SLC14A2: variants seen among roughly 807,000 people sequenced by gnomAD.
SLC14A2 encodes solute carrier family 14 member 2, also known as urea transporter 2.
Under a neutral mutation model 104.6 loss-of-function variants are expected in SLC14A2, and 91 were observed. The ratio of observed to expected loss-of-function variants is 0.87; its 90% CI spans 0.73 to 1.04. The LOEUF (loss-of-function observed/expected upper bound fraction) is 1.04, where lower values mean the gene tolerates loss of function less well. Ranked by LOEUF, SLC14A2 falls within the 50% of genes least tolerant of loss-of-function variation. SLC14A2 has a pLI of 0.00. For synonymous variants in SLC14A2, 476 were observed against 466.4 expected (o/e 1.02, Z -0.27); for missense variants, 1,189 against 1,156.0 (o/e 1.03, Z -0.41).
At chr18:45,236,505 G>GTATGTGTGTATATATGTGTATA (rs1216160088) in intron 1 of SLC14A2, among the ~76,000 whole-genome samples, 1 of 67,274 alleles carries the variant, frequency 1.5e-5, no homozygotes, top group Non-Finnish European at 2.9e-5. Context: ...ATATATACAT[G>GTATGTGTGTATATATGTGTATA]TATGTGTGTA....
At chr18:45,604,318 T>C (rs61242951) in intron 2 of SLC14A2, among the ~76,000 whole-genome samples, 3,950 of 152,316 alleles carry the variant, frequency 0.026, 173 homozygotes, top group African/African-American at 0.088. Context: ...TGGAGGCATG[T>C]TACCATAGCC....
intron 2 of SLC14A2, among the ~76,000 whole-genome samples, chr18:45,502,507 G>A (rs1568245628): frequency 6.6e-6 from 1 of 152,224 alleles, no homozygotes; most frequent in East Asian, 1.9e-4. Context: ...TCTAGGATTT[G>A]TGTTGTGGAC....
chr18:45,643,079 C>G (rs1318824233), intron 8 of SLC14A2, 53 bp from the exon 9 acceptor site: 7 of 1,572,120 alleles, frequency 4.5e-6, no homozygotes, highest in Admixed American at 1.7e-5. Context: ...ATGGCAGTGG[C>G]TTAGGGGGAA....
intron 2 of SLC14A2, among the ~76,000 whole-genome samples, chr18:45,568,019 C>A (rs1017959072): frequency 6.6e-6 from 1 of 152,194 alleles, no homozygotes; most frequent in African/African-American, 2.4e-5. Context: ...TGCAATCAAA[C>A]CAACATGGGT....
At chr18:45,451,443 A>G (rs967559679) in intron 1 of SLC14A2, among the ~76,000 whole-genome samples, 17 of 151,540 alleles carry the variant, frequency 1.1e-4, no homozygotes, top group African/African-American at 3.4e-4. Flanking sequence ...AAAAATAACT[A>G]TCTGATCCTT....
At chr18:45,463,941 C>T (rs904440643) in intron 1 of SLC14A2, among the ~76,000 whole-genome samples, 5 of 152,270 alleles carry the variant, frequency 3.3e-5, no homozygotes, top group African/African-American at 1.2e-4. Flanking sequence ...GAGGATTAGC[C>T]CTGCCCACCC....
At chr18:45,222,556 G>A (rs1301011508) in intron 1 of SLC14A2, among the ~76,000 whole-genome samples, 2 of 152,154 alleles carry the variant, frequency 1.3e-5, no homozygotes, top group East Asian at 1.9e-4. Flanking sequence ...GAGGATGGTT[G>A]TGATTTACAT....
At chr18:45,536,726 C>CA (rs1221472050) in intron 2 of SLC14A2, among the ~76,000 whole-genome samples, 1 of 151,908 alleles carries the variant, frequency 6.6e-6, no homozygotes, top group African/African-American at 2.4e-5. Flanking sequence ...CATGACAAAG[C>CA]AAAAAAAGCT....
the SLC14A2 span, among the ~76,000 whole-genome samples, chr18:45,184,272 A>G: frequency 6.6e-6 from 1 of 152,196 alleles, no homozygotes; most frequent in Non-Finnish European, 1.5e-5. Flanking sequence ...AAATTTAGCA[A>G]TGAAAAAAGC....
intron 1 of SLC14A2, among the ~76,000 whole-genome samples, chr18:45,443,768 G>T (rs1332543896): frequency 6.6e-6 from 1 of 152,094 alleles, no homozygotes; most frequent in Non-Finnish European, 1.5e-5. Context: ...TTGTTTTGGG[G>T]TATGTTTTTC....
intron 1 of SLC14A2, among the ~76,000 whole-genome samples, chr18:45,214,555 G>A (rs1252231497): frequency 6.6e-6 from 1 of 152,088 alleles, no homozygotes; most frequent in Non-Finnish European, 1.5e-5. Context: ...TTACTGCTTA[G>A]AAATCATTGT....
At chr18:45,240,810 A>G (rs1036092351) in intron 1 of SLC14A2, among the ~76,000 whole-genome samples, 1 of 151,724 alleles carries the variant, frequency 6.6e-6, no homozygotes, top group African/African-American at 2.4e-5. Context: ...GGTGCCCGCC[A>G]CTATGCCCGG....
At chr18:45,296,218 C>T (rs952140010) in intron 1 of SLC14A2, among the ~76,000 whole-genome samples, 1 of 152,174 alleles carries the variant, frequency 6.6e-6, no homozygotes, top group Admixed American at 6.5e-5. Context: ...AGATTAAGAA[C>T]CCTGCCTCCA....
rs537833197 is a variant in SLC14A2 at position 45,669,502 on chromosome 18, C to T, written c.2229+4C>T. ...GTCAGAGGTCCAAGTGCCCTTGGTA[C>T]GTATCATGGAAGGAGGAAGGGCAGG... is the stretch of plus-strand genomic sequence containing the variant. On this transcript the variant is annotated splice_donor_region_variant and intron_variant, in intron 16 of 19. Coordinates refer to ENST00000255226, the MANE Select transcript of SLC14A2 (RefSeq NM_007163.4). 2.7e-5 allele frequency: 43 copies of T among 1,610,866 alleles called. No individual in the cohort carries two copies. The highest frequency in any genetic ancestry group is 1.6e-4 in the East Asian group (7 of 44,862).
intron 1 of SLC14A2, among the ~76,000 whole-genome samples, chr18:45,233,672 G>T (rs1301233337): frequency 6.6e-6 from 1 of 152,034 alleles, no homozygotes; most frequent in East Asian, 1.9e-4. Flanking sequence ...CTTTCTAAGT[G>T]TCTCTTAGCC....
At chr18:45,432,732 G>A (rs1229699699) in intron 1 of SLC14A2, among the ~76,000 whole-genome samples, 1 of 152,136 alleles carries the variant, frequency 6.6e-6, no homozygotes, top group African/African-American at 2.4e-5. Context: ...CCAGTACAGG[G>A]TCTTGTGGAT....
intron 2 of SLC14A2, among the ~76,000 whole-genome samples, chr18:45,536,625 C>T (rs912664088): frequency 3.9e-5 from 6 of 152,134 alleles, no homozygotes; most frequent in Admixed American, 6.5e-5. Context: ...TAGATAATGA[C>T]GTCCACAACA....
Position 45,426,042 on chromosome 18 carries a change from T to C in SLC14A2, c.-124-57191T>C, listed in dbSNP as rs568222832. Among the ~76,000 whole-genome samples, 276 of 152,230 alleles carry C rather than the reference T, an allele frequency of 1.8e-3. 3 individuals are homozygous for C. The highest frequency in any genetic ancestry group is 6.4e-3 in the African/African-American group (265 of 41,536). ...TTGTCATTAAAAGAGAGCAAGTCCC[T>C]GGGAGCAAAGGGGAAGTCTATGTTC... On this transcript the variant is annotated intron_variant, in intron 1 of 20. Transcript: ENST00000586448.
In SLC14A2 at chr18:45,377,505, G is replaced by T. The variant is rs1039543105; in HGVS notation, c.-124-105728G>T. Among the ~76,000 whole-genome samples, 4 of 152,018 alleles carry T rather than the reference G, an allele frequency of 2.6e-5. No individual in the cohort carries two copies. In the East Asian group the frequency reaches 7.7e-4, roughly 29 times the overall value. On this transcript the variant is annotated intron_variant, in intron 1 of 20. Transcript: ENST00000586448. ...CCTCAGAACCAAAGTCTAAAACCTA[G>T]TCCTTCCCATTTGACCTCTACCTCT...
Sources: allele counts gnomAD v4.1 joint callset (sites outside exome capture counted in the v4.1 genomes callset), GRCh38; gene constraint gnomAD v4.1.1; transcripts MANE v1.5; gene names NCBI Gene and HGNC (gene_info 2026-07-23, HGNC 2026-07-21).